Variants in EFCAB5 observed in about 807,000 individuals in gnomAD.
EFCAB5 encodes EF-hand calcium-binding domain-containing protein 5.
In EFCAB5, 131 loss-of-function variants were observed where a neutral mutation model predicts 167.9. The ratio of observed to expected loss-of-function variants is 0.78; its 90% CI spans 0.68 to 0.90. EFCAB5 has a LOEUF of 0.90. EFCAB5 is among the 40% of genes least tolerant of loss of function. EFCAB5 has a pLI of 0.00. For missense variants in EFCAB5, 1,663 were observed against 1,745.2 expected, an observed-to-expected ratio of 0.95 and a Z score of 0.84; for synonymous variants, 574 against 602.8, an observed-to-expected ratio of 0.95 and a Z score of 0.70.
chr17:30,066,612 T>C (rs1250841829), intron 14 of EFCAB5, among the ~76,000 whole-genome samples: 4 of 151,756 alleles, frequency 2.6e-5, no homozygotes, highest in Non-Finnish European at 4.4e-5. Context: ...CTCAAGGAAT[T>C]TGGAAATCAA....
chr17:29,975,055 A>T (rs915196074), intron 4 of EFCAB5, among the ~76,000 whole-genome samples: 2 of 150,234 alleles, frequency 1.3e-5, no homozygotes, highest in Non-Finnish European at 3.0e-5. Context: ...AATAAATAAA[A>T]TAATAAAATT....
intron 3 of EFCAB5, among the ~76,000 whole-genome samples, chr17:29,964,070 A>G (rs2067776429): frequency 6.6e-6 from 1 of 151,706 alleles, no homozygotes; most frequent in Non-Finnish European, 1.5e-5. Context: ...AGCCTGCAGA[A>G]CCATGAGCCA....
intron 7 of EFCAB5, among the ~76,000 whole-genome samples, chr17:30,025,777 C>T (rs1206451916): frequency 1.3e-5 from 2 of 152,092 alleles, no homozygotes; most frequent in African/African-American, 4.8e-5. Context: ...CCCAAATGTC[C>T]AACAATGATA....
intron 7 of EFCAB5, among the ~76,000 whole-genome samples, chr17:30,028,628 G>C (rs919763353): frequency 6.6e-5 from 10 of 152,190 alleles, no homozygotes; most frequent in Non-Finnish European, 1.0e-4. Flanking sequence ...GGACCTGCCT[G>C]ATCAACAAAT....
chr17:30,083,794 G>A (rs2071035853), intron 18 of EFCAB5, among the ~76,000 whole-genome samples: 1 of 152,108 alleles, frequency 6.6e-6, no homozygotes, highest in African/African-American at 2.4e-5. Flanking sequence ...CATACCCCTG[G>A]CCAGAGTGTG....
rs536525420 is a variant in EFCAB5, at chr17:29,970,670, A to G, written c.767+1303A>G. 8.4e-3 allele frequency among the ~76,000 whole-genome samples: 1,049 copies of G among 124,666 alleles called. 13 individuals carry two copies. The highest frequency in any genetic ancestry group is 0.038 in the African/African-American group (892 of 23,650). 81.8% of individuals were successfully genotyped at this position (124,666 alleles called of 152,430 possible). A position where few individuals can be genotyped will look rare whatever the true frequency, so the allele number is the denominator to read the frequency against. On this transcript the variant is annotated intron_variant, in intron 4 of 22. Transcript: ENST00000394835. ...CACACACACACACACACACACACAT[A>G]CACACACACACACACACACACACCA... is the stretch of plus-strand genomic sequence containing the variant.
chr17:30,045,366 G>A (rs1204413272), intron 8 of EFCAB5, among the ~76,000 whole-genome samples: 2 of 149,244 alleles, frequency 1.3e-5, no homozygotes, highest in African/African-American at 4.9e-5. Flanking sequence ...GCTGAGGCAG[G>A]AAAATCGATT....
chr17:30,098,762 A>C (rs1298173222), intron 22 of EFCAB5, among the ~76,000 whole-genome samples: 1 of 152,216 alleles, frequency 6.6e-6, no homozygotes, highest in East Asian at 1.9e-4. Flanking sequence ...TAATTTTAGA[A>C]CATTTTCATC....
At chr17:30,069,948 C>A (rs879742341) in intron 14 of EFCAB5, among the ~76,000 whole-genome samples, 2 of 152,194 alleles carry the variant, frequency 1.3e-5, no homozygotes, top group African/African-American at 2.4e-5. Flanking sequence ...TGCTCCTGAA[C>A]TTGAGGCCGC....
At chr17:30,094,507 CAAAAA>C (rs57885339) in intron 22 of EFCAB5, among the ~76,000 whole-genome samples, 1 of 40,706 alleles carries the variant, frequency 2.5e-5, no homozygotes, top group African/African-American at 6.6e-5. Flanking sequence ...CTTGTCTCTC[CAAAAA>C]AAAAAAAAAA....
At chr17:30,062,366 AGGATCAGGT>A (rs1378444010) in intron 14 of EFCAB5, among the ~76,000 whole-genome samples, 1 of 152,174 alleles carries the variant, frequency 6.6e-6, no homozygotes, top group Non-Finnish European at 1.5e-5. Flanking sequence ...TCCCCCAACC[AGGATCAGGT>A]GGGAACTGGG....
chr17:30,092,177 G>A lies in EFCAB5; in HGVS notation c.4224+20G>A, dbSNP rs2151849606. 1 of 1,593,700 alleles carries A rather than the reference G, an allele frequency of 6.3e-7. No homozygotes were observed. On this transcript the variant is annotated intron_variant, in intron 21 of 22. Coordinates refer to ENST00000394835, the MANE Select transcript of EFCAB5 (RefSeq NM_198529.4). ...AAATTTGTAAGTTTTTTTTTAAAAA[G>A]CACCTTTTAAATTGAAGAATCGCCT...
At chr17:30,014,315 A>G (rs2068978461) in intron 7 of EFCAB5, among the ~76,000 whole-genome samples, 1 of 152,210 alleles carries the variant, frequency 6.6e-6, no homozygotes, top group Non-Finnish European at 1.5e-5. Context: ...GATGTCTATT[A>G]GGTCTGCTTA....
At chr17:30,027,878 A>G (rs1056530320) in intron 7 of EFCAB5, among the ~76,000 whole-genome samples, 2 of 152,146 alleles carry the variant, frequency 1.3e-5, no homozygotes, top group African/African-American at 2.4e-5. Flanking sequence ...CTTCTTTACT[A>G]TGAGACTATA....
intron 3 of EFCAB5, among the ~76,000 whole-genome samples, chr17:29,962,281 T>C (rs2067735158): frequency 6.6e-6 from 1 of 152,242 alleles, no homozygotes; most frequent in South Asian, 2.1e-4. Context: ...GTAGAATTGA[T>C]ATCTTAACAA....
At position 30,072,653 on chromosome 17, in the gene EFCAB5, A is replaced by G. The variant is rs183498711; in HGVS notation, c.2738-5562A>G. Among the ~76,000 whole-genome samples the G allele has an allele frequency of 3.7e-4, 56 of 152,272 alleles. 1 individual carries two copies. Among genetic ancestry groups the G allele is most frequent in the African/African-American group, 1.3e-3 (55 of 41,558 alleles). ...ATTTAGATTTATCTACTGTTTCCCC[A>G]TGGTTAAATTCAGGTTATTCATCTT... On this transcript the variant is annotated intron_variant, in intron 14 of 22. Transcript: ENST00000394835.
At position 29,969,274 on chromosome 17, in the gene EFCAB5, A is replaced by G; in HGVS notation, c.674A>G (p.Tyr225Cys). 6.2e-7 allele frequency: 1 copy of G among 1,613,720 alleles called. No individual in the cohort carries two copies. Among genetic ancestry groups the G allele is most frequent in the Non-Finnish European group, 8.5e-7 (1 of 1,179,788 alleles). The change falls in exon 4 of 23, where the codon TAT becomes TGT. Residue 225 changes from tyrosine (Y) to cysteine (C), a missense_variant. Transcript: ENST00000394835. ...GEYLIRNNPN[Y>C]IKDPGMSGYQ... Reference sequence around the variant, plus strand: ...TATTTAATAAGAAACAATCCTAATTATATCAAAGACCCAGGAATGTCTGGT... The same window carrying G: ...TATTTAATAAGAAACAATCCTAATTGTATCAAAGACCCAGGAATGTCTGGT...
At chr17:30,006,042 C>T (rs1392378008) in intron 7 of EFCAB5, among the ~76,000 whole-genome samples, 6 of 152,310 alleles carry the variant, frequency 3.9e-5, no homozygotes, top group East Asian at 3.9e-4. Flanking sequence ...GTATACCTTC[C>T]GTGTATTGAC....
At chr17:29,945,221 T>C (rs569153440) in intron 3 of EFCAB5, among the ~76,000 whole-genome samples, 22 of 152,256 alleles carry the variant, frequency 1.4e-4, no homozygotes, top group African/African-American at 4.8e-4. Context: ...TAGTATACGC[T>C]AGGCTGAGCT....
Sources: gnomAD v4.1 joint callset for allele counts (sites outside exome capture counted in the v4.1 genomes callset) on GRCh38, gnomAD v4.1.1 for gene constraint, MANE v1.5 for transcripts, NCBI Gene and HGNC (gene_info 2026-07-23, HGNC 2026-07-21) for gene names.